Variants in CEP162 observed in about 807,000 individuals in gnomAD.
CEP162 encodes centrosomal protein of 162 kDa.
In CEP162, 141 loss-of-function variants were observed where a neutral mutation model predicts 169.2. That is an observed-to-expected ratio of 0.83 (90% CI 0.73 to 0.96). CEP162 has a LOEUF of 0.96. Ranked by LOEUF, CEP162 falls within the 40% of genes least tolerant of loss-of-function variation. The probability of loss-of-function intolerance (pLI) is 0.00; values close to 1 mark genes in which losing one functional copy is unlikely to be tolerated. For synonymous variants in CEP162, 540 were observed against 526.4 expected (o/e 1.03, Z -0.35); for missense variants, 1,600 against 1,587.2 (o/e 1.01, Z -0.14).
At chr6:84,161,607 C>G in intron 20 of CEP162, 139 bp downstream of exon 20, 1 of 697,778 alleles carries the variant, frequency 1.4e-6, no homozygotes, top group South Asian at 1.9e-5. Flanking sequence ...GACTATATAT[C>G]TAAAAGCAAA....
chr6:84,159,549 T>A (rs2476910), intron 21 of CEP162, among the ~76,000 whole-genome samples: 195 of 9,598 alleles, frequency 0.02, no homozygotes, highest in South Asian at 0.049. Context: ...ATATATATAT[T>A]TTTTTTTTTT....
chr6:84,133,861 T>C (rs2497148), intron 25 of CEP162, among the ~76,000 whole-genome samples: 37,020 of 152,092 alleles, frequency 0.24, 9,934 homozygotes, highest in African/African-American at 0.67. Flanking sequence ...CCTTGGGCTG[T>C]ACCCACTGTC....
chr6:84,225,712 T>A (rs2099555449), intron 2 of CEP162, among the ~76,000 whole-genome samples: 1 of 146,846 alleles, frequency 6.8e-6, no homozygotes, highest in Non-Finnish European at 1.5e-5. Flanking sequence ...AAATAATTAA[T>A]GTGCTAAGTG....
At chr6:84,158,101 T>A (rs1297486955) in intron 21 of CEP162, among the ~76,000 whole-genome samples, 5 of 152,232 alleles carry the variant, frequency 3.3e-5, no homozygotes, top group Non-Finnish European at 7.3e-5. Flanking sequence ...ACCTGCTTTT[T>A]AAAACTATTA....
chr6:84,210,027 A>T (rs1280110537), intron 6 of CEP162, among the ~76,000 whole-genome samples: 1 of 152,218 alleles, frequency 6.6e-6, no homozygotes, highest in Non-Finnish European at 1.5e-5. Context: ...AAAGAGTAAA[A>T]CAAATTTGAG....
At chr6:84,175,005 G>T (rs900598032) in intron 14 of CEP162, 51 bp from the exon 15 acceptor site, 4 of 1,199,306 alleles carry the variant, frequency 3.3e-6, no homozygotes, top group East Asian at 2.4e-5. Flanking sequence ...TATAAGATTT[G>T]AACACAGGTG....
intron 25 of CEP162, among the ~76,000 whole-genome samples, 190 bp from the exon 26 acceptor site, chr6:84,126,702 A>G (rs1292323038): frequency 6.6e-6 from 1 of 152,168 alleles, no homozygotes; most frequent in East Asian, 1.9e-4. Flanking sequence ...AGTTGACCTC[A>G]CATTCTAAGA....
chr6:84,155,189 G>T, intron 22 of CEP162, 109 bp downstream of exon 22: 1 of 857,530 alleles, frequency 1.2e-6, no homozygotes, highest in South Asian at 1.8e-5. Context: ...AGTGGTAAAG[G>T]TTTCATGGGA....
At chr6:84,153,209 C>T (rs2129202988) in intron 22 of CEP162, 30 bp from the exon 23 acceptor site, 1 of 1,566,952 alleles carries the variant, frequency 6.4e-7, no homozygotes. Context: ...TAATGCCAAA[C>T]ACCTGTTAAA....
At position 84,152,993 on chromosome 6, in the gene CEP162, C is replaced by G; in HGVS notation, c.3181G>C (p.Val1061Leu). 2.5e-6 allele frequency: 4 copies of G among 1,613,454 alleles called. No homozygotes were observed. The highest frequency in any genetic ancestry group is 3.4e-6 in the Non-Finnish European group (4 of 1,179,690). ...VLKHQNAELD[V>L]KKNDKDDEDF... is the part of the protein sequence containing the mutation. Reference sequence around the variant, plus strand: ...TCATCATCTTTATCATTTTTCTTGACGTCTAATTCAGCATTCTGATGTTTA... The same window carrying G: ...TCATCATCTTTATCATTTTTCTTGAGGTCTAATTCAGCATTCTGATGTTTA... Residue 1061 changes from valine (V) to leucine (L), a missense_variant, in exon 23 of 27, where the codon GTC becomes CTC. By Grantham distance (32) the Val-to-Leu change is conservative. Coordinates refer to ENST00000403245, the MANE Select transcript of CEP162 (RefSeq NM_014895.4).
At chr6:84,209,200 T>A (rs2099548503) in intron 6 of CEP162, among the ~76,000 whole-genome samples, 1 of 152,188 alleles carries the variant, frequency 6.6e-6, no homozygotes, top group Non-Finnish European at 1.5e-5. Context: ...CAAACTCCCT[T>A]TGCTTCACTT....
intron 11 of CEP162, among the ~76,000 whole-genome samples, chr6:84,189,839 T>C (rs1264231893): frequency 6.6e-6 from 1 of 152,260 alleles, no homozygotes; most frequent in African/African-American, 2.4e-5. Flanking sequence ...CTCCTGAGTC[T>C]GGTGGGGATG....
chr6:84,201,621 T>A, intron 8 of CEP162, 116 bp downstream of exon 8: 1 of 600,110 alleles, frequency 1.7e-6, no homozygotes, highest in Non-Finnish European at 3.0e-6. Context: ...GGAACTTCAA[T>A]GCCTTAGAAA....
chr6:84,189,383 G>A (rs1248078567), intron 11 of CEP162, among the ~76,000 whole-genome samples: 5 of 152,134 alleles, frequency 3.3e-5, no homozygotes, highest in South Asian at 2.1e-4. Context: ...AGGCACGAGC[G>A]GGAACCGGGG....
At chr6:84,159,541 ATATATATTTTTTTTTTTTTTTTTT>A (rs1562025501) in intron 21 of CEP162, among the ~76,000 whole-genome samples, 2 of 40,302 alleles carry the variant, frequency 5.0e-5, no homozygotes, top group Non-Finnish European at 9.3e-5. Flanking sequence ...ATATATATAT[ATATATATTTTTTTTTTTTTTTTTT>A]TTTTTTTTTT....
intron 6 of CEP162, 108 bp downstream of exon 6, chr6:84,212,849 G>T: frequency 1.4e-6 from 1 of 713,832 alleles, no homozygotes; most frequent in Non-Finnish European, 2.3e-6. Context: ...TCTATTCAAA[G>T]CTCTGAGACA....
chr6:84,223,629 G>T (rs921895703), intron 2 of CEP162, among the ~76,000 whole-genome samples: 2 of 152,016 alleles, frequency 1.3e-5, no homozygotes, highest in African/African-American at 4.8e-5. Flanking sequence ...ACTCTAGGCT[G>T]GGTGTGGTGG....
chr6:84,176,539 G>A (rs1405703298), intron 13 of CEP162, among the ~76,000 whole-genome samples: 1 of 152,162 alleles, frequency 6.6e-6, no homozygotes, highest in Non-Finnish European at 1.5e-5. Flanking sequence ...AGCTAGTACA[G>A]GTGGAACGTC....
At chr6:84,185,133 T>C in intron 13 of CEP162, 54 bp downstream of exon 13, 1 of 1,443,044 alleles carries the variant, frequency 6.9e-7, no homozygotes. Context: ...TTAATTCTCT[T>C]CCATGGAAGC....
Sources: allele counts gnomAD v4.1 joint callset (sites outside exome capture counted in the v4.1 genomes callset), GRCh38; gene constraint gnomAD v4.1.1; transcripts MANE v1.5; gene names NCBI Gene and HGNC (gene_info 2026-07-23, HGNC 2026-07-21).